DERPC: variants seen among roughly 807,000 people sequenced by gnomAD.
The protein encoded by DERPC is DERPC proline and glycine rich nuclear protein, also known as decreased expression in renal and prostate cancer protein.
DERPC carries 1 observed loss-of-function variant against 7.2 expected under a neutral mutation model. The ratio of observed to expected loss-of-function variants is 0.14; its 90% CI spans 0.05 to 0.66. The LOEUF is 0.66. Ranked by LOEUF, DERPC falls within the 30% of genes least tolerant of loss-of-function variation. DERPC has a pLI of 0.84. For synonymous variants in DERPC, 185 were observed against 117.6 expected, an observed-to-expected ratio of 1.57 and a Z score of -3.71; for missense variants, 502 against 299.4, an observed-to-expected ratio of 1.68 and a Z score of -4.99.
chr16:69,127,165 G>A (rs1460801988), intron 1 of DERPC, among the ~76,000 whole-genome samples: 1 of 151,758 alleles, frequency 6.6e-6, no homozygotes, highest in African/African-American at 2.4e-5. Flanking sequence ...TTGAACCTGG[G>A]AGGCGGAGGC....
intron 1 of DERPC, among the ~76,000 whole-genome samples, chr16:69,128,419 A>C (rs912692862): frequency 5.3e-5 from 8 of 152,216 alleles, no homozygotes; most frequent in Admixed American, 5.2e-4. Context: ...CCTTGGAAAG[A>C]TAAGAAGGTA....
chr16:69,124,780 C>T (rs1266939169), intron 1 of DERPC, among the ~76,000 whole-genome samples: 1 of 152,094 alleles, frequency 6.6e-6, no homozygotes, highest in Non-Finnish European at 1.5e-5. Flanking sequence ...GGATTACAGG[C>T]GTGAGACACT....
chr16:69,121,306 GGAACTAGA>G (rs1331376833), intron 2 of DERPC, 122 bp downstream of exon 2: 1 of 1,207,208 alleles, frequency 8.3e-7, no homozygotes, highest in African/African-American at 1.5e-5. Flanking sequence ...TGCTAGGCAT[GGAACTAGA>G]GATCAGAATG....
intron 1 of DERPC, among the ~76,000 whole-genome samples, chr16:69,125,131 C>T (rs1239967355): frequency 6.6e-6 from 1 of 152,128 alleles, no homozygotes; most frequent in Non-Finnish European, 1.5e-5. Context: ...CTCGAACTCC[C>T]AACCTCAGGT....
chr16:69,118,793 C>A lies in DERPC; in HGVS notation c.*61G>T. The A allele has an allele frequency of 4.6e-6, 3 of 655,426 alleles. No individual in the cohort carries two copies. Among genetic ancestry groups the A allele is most frequent in the East Asian group, 5.4e-5 (2 of 36,986 alleles). 40.6% of individuals were successfully genotyped at this position (655,426 alleles called of 1,614,324 possible). ...TCCACAACTACCCTTTTACCTAAGA[C>A]AGCCCCTGCCAAGAACCACAGTGCC... On this transcript the variant is annotated 3_prime_UTR_variant, in exon 3 of 3. Coordinates refer to ENST00000519520, the MANE Select transcript of DERPC (RefSeq NM_001002847.4).
chr16:69,130,533 A>G (rs935226552), intron 1 of DERPC, among the ~76,000 whole-genome samples: 8 of 152,158 alleles, frequency 5.3e-5, no homozygotes, highest in African/African-American at 1.9e-4. Context: ...ACAGACCTGG[A>G]TTCTGTGATT....
chr16:69,127,372 A>C (rs1415242822), intron 1 of DERPC, among the ~76,000 whole-genome samples: 1 of 152,140 alleles, frequency 6.6e-6, no homozygotes, highest in African/African-American at 2.4e-5. Flanking sequence ...AATCACAAGC[A>C]TAACAATGGA....
chr16:69,125,263 C>T lies in DERPC; in HGVS notation c.-279-3770G>A, dbSNP rs10221101. ...GCAGCTAACATGTTTTGAATTTTTA[C>T]TGTGGAATTTTTACTGTGCATATAT... On this transcript the variant is annotated intron_variant, in intron 1 of 2. Coordinates refer to ENST00000519520, the MANE Select transcript of DERPC (RefSeq NM_001002847.4). Among the ~76,000 whole-genome samples, 1,161 of 152,238 alleles carry T rather than the reference C, an allele frequency of 7.6e-3. 16 individuals are homozygous for T. Among genetic ancestry groups the T allele is most frequent in the African/African-American group, 0.025 (1,044 of 41,534 alleles).
Position 69,121,762 on chromosome 16 carries a change from G to A in DERPC, c.-279-269C>T, listed in dbSNP as rs1296239586. ...AGCTCACTGCAAGCTCCGCCTCCGG[G>A]GTTCATGCCATTCTCCTGCCTCAGC... On this transcript the variant is annotated intron_variant, in intron 1 of 2. Coordinates refer to ENST00000519520, the MANE Select transcript of DERPC (RefSeq NM_001002847.4). 3.3e-5 allele frequency among the ~76,000 whole-genome samples: 5 copies of A among 152,214 alleles called. No homozygotes were observed. The East Asian group carries it at 9.7e-4, about 29-fold the overall frequency.
chr16:69,121,248 C>G, intron 2 of DERPC, 188 bp downstream of exon 2: 1 of 1,374,854 alleles, frequency 7.3e-7, no homozygotes, highest in South Asian at 1.3e-5. Flanking sequence ...CCATTTGAGG[C>G]CCAAAGGACC....
rs533543523 is a variant in DERPC at position 69,118,901 on chromosome 16, C to T, written c.1528G>A (p.Gly510Arg). ...GGGTACATTGCAGCCATTGGACCCCCTGGTCTGGGGAAAGCAGCTGGGTTT... is the reference window on the plus strand; with the variant it reads ...GGGTACATTGCAGCCATTGGACCCCTTGGTCTGGGGAAAGCAGCTGGGTTT... ...GTNPAAFPRP[G>R]GPMAAMYPNG... is the part of the protein sequence containing the mutation. The change falls in exon 3 of 3, where the codon GGG (glycine) becomes AGG (arginine). Residue 510 changes from glycine (G) to arginine (R), a missense_variant. Coordinates refer to ENST00000519520, the MANE Select transcript of DERPC (RefSeq NM_001002847.4). The T allele has an allele frequency of 3.8e-5, 27 of 703,142 alleles. No individual in the cohort carries two copies. The African/African-American group carries it at 4.0e-4, about 10-fold the overall frequency. 43.6% of individuals were successfully genotyped at this position (703,142 alleles called of 1,614,324 possible).
Position 69,118,605 on chromosome 16 carries a change from G to C in DERPC, c.*249C>G. ...AAAGCTGTGGGACGAAAGCACAGCAGGCTTCTGGGAGGCTGGAGATCCTTT... is the reference window on the plus strand; with the variant it reads ...AAAGCTGTGGGACGAAAGCACAGCACGCTTCTGGGAGGCTGGAGATCCTTT... On this transcript the variant is annotated 3_prime_UTR_variant, in exon 3 of 3. Coordinates refer to ENST00000519520, the MANE Select transcript of DERPC (RefSeq NM_001002847.4). The C allele has an allele frequency of 1.4e-6, 1 of 713,534 alleles. No homozygotes were observed. Among genetic ancestry groups the C allele is most frequent in the Non-Finnish European group, 2.6e-6 (1 of 390,628 alleles). 44.2% of individuals were successfully genotyped at this position (713,534 alleles called of 1,614,324 possible).
At chr16:69,122,980 T>G (rs973745997) in intron 1 of DERPC, among the ~76,000 whole-genome samples, 2 of 152,116 alleles carry the variant, frequency 1.3e-5, no homozygotes, top group Middle Eastern at 3.4e-3. Context: ...CACCCGGCCT[T>G]GATCTCTTGA....
In DERPC at chr16:69,132,495, G is replaced by A; in HGVS notation, c.-291C>T. ...GCCCGCGGCCTGACCTGCAATGGCG[G>A]CCGCCGAGCGCGGCGCCGCGCGGCC... On this transcript the variant is annotated 5_prime_UTR_variant, in exon 1 of 3. Coordinates refer to ENST00000519520, the MANE Select transcript of DERPC (RefSeq NM_001002847.4). 1 of 266,112 alleles carries A rather than the reference G, an allele frequency of 3.8e-6. No individual in the cohort carries two copies. The highest frequency in any genetic ancestry group is 7.2e-6 in the Non-Finnish European group (1 of 138,732). 16.5% of individuals were successfully genotyped at this position (266,112 alleles called of 1,614,324 possible). A position where few individuals can be genotyped will look rare whatever the true frequency, so the allele number is the denominator to read the frequency against.
chr16:69,120,156 A>C lies in DERPC; in HGVS notation c.273T>G (p.Arg91=). The part of the protein sequence containing the change: ...SNPAPFPAGA[R]DPSMASFPRG... ...TTGGAAAAGAAGCCATACTTGGGTC[A>C]CGAGCACCAGCCGGGAAAGGTGCTG... Residue 91 remains arginine (R), a synonymous_variant, in exon 3 of 3, where the codon CGT becomes CGG. Transcript: ENST00000519520. The surrounding 1 kb of genome is among the most constrained non-coding windows in gnomAD (Gnocchi z 4.0). The C allele has an allele frequency of 1.4e-6, 1 of 701,500 alleles. No homozygotes were observed. Among genetic ancestry groups the C allele is most frequent in the Non-Finnish European group, 2.6e-6 (1 of 385,046 alleles). 43.5% of individuals were successfully genotyped at this position (701,500 alleles called of 1,614,324 possible). A position where few individuals can be genotyped will look rare whatever the true frequency, so the allele number is the denominator to read the frequency against.
chr16:69,123,523 G>A (rs1212411503), intron 1 of DERPC, among the ~76,000 whole-genome samples: 1 of 151,958 alleles, frequency 6.6e-6, no homozygotes, highest in African/African-American at 2.4e-5. Flanking sequence ...TGGGTGTGGT[G>A]GCAGGCACCC....
In DERPC at chr16:69,120,621, T is replaced by C; in HGVS notation, c.-193A>G. ...GTGGATGATTTTCCCATACAGGATATGATGCCCCACGATCAGCACAGGGAT... is the reference window on the plus strand; with the variant it reads ...GTGGATGATTTTCCCATACAGGATACGATGCCCCACGATCAGCACAGGGAT... On this transcript the variant is annotated 5_prime_UTR_variant, in exon 3 of 3. Transcript: ENST00000519520. This position sits in a 1 kb window ranked among gnomAD's most constrained non-coding sequence, Gnocchi z 4.0. The C allele has an allele frequency of 1.9e-6, 3 of 1,613,034 alleles. No homozygotes were observed. Among genetic ancestry groups the C allele is most frequent in the Non-Finnish European group, 2.5e-6 (3 of 1,179,112 alleles).
intron 1 of DERPC, among the ~76,000 whole-genome samples, chr16:69,123,966 T>C (rs1485440744): frequency 6.8e-6 from 1 of 146,136 alleles, no homozygotes; most frequent in African/African-American, 2.6e-5. Flanking sequence ...TAGCTGGGTG[T>C]GGTGGCGCAC....
chr16:69,127,889 C>T (rs1043971235), intron 1 of DERPC, among the ~76,000 whole-genome samples: 9 of 151,676 alleles, frequency 5.9e-5, no homozygotes, highest in African/African-American at 1.7e-4. Flanking sequence ...GGATTACAGG[C>T]GTGAACCACC....
Sources: gnomAD v4.1 joint callset for allele counts (sites outside exome capture counted in the v4.1 genomes callset) on GRCh38, gnomAD v4.1.1 for gene constraint, Gnocchi (gnomAD v3.1) non-coding constraint, MANE v1.5 for transcripts, NCBI Gene and HGNC (gene_info 2026-07-23, HGNC 2026-07-21) for gene names.